Variants in SPEG observed in about 807,000 individuals in gnomAD.
The protein encoded by SPEG is striated muscle enriched protein kinase, also known as striated muscle preferentially expressed protein kinase.
In SPEG, 114 loss-of-function variants were observed where a neutral mutation model predicts 300.4. That is an observed-to-expected ratio of 0.38 (90% CI 0.33 to 0.44). The LOEUF (loss-of-function observed/expected upper bound fraction) is 0.44. Ranked by LOEUF, SPEG falls within the 20% of genes least tolerant of loss-of-function variation. The pLI, the probability that SPEG is intolerant of heterozygous loss-of-function variation, is 1.00. For missense variants in SPEG, 4,201 were observed against 4,586.2 expected (o/e 0.92, Z 2.43); for synonymous variants, 1,964 against 2,018.9 (o/e 0.97, Z 0.73).
intron 18 of SPEG, chr2:219,474,198 T>G: frequency 3.8e-6 from 1 of 265,712 alleles, no homozygotes; most frequent in Non-Finnish European, 7.2e-6. Flanking sequence ...GCCAACATGG[T>G]GAAACCCCAT....
chr2:219,437,880 G>A (rs1462569569), intron 1 of SPEG, among the ~76,000 whole-genome samples: 2 of 152,144 alleles, frequency 1.3e-5, no homozygotes, highest in African/African-American at 2.4e-5. Flanking sequence ...TTTCTTGGTT[G>A]GAAACAACAG....
chr2:219,477,002 T>C lies in SPEG; in HGVS notation c.4560+20T>C. 1 of 1,574,886 alleles carries C rather than the reference T, an allele frequency of 6.3e-7. No individual in the cohort carries two copies. The highest frequency in any genetic ancestry group is 1.2e-5 in the South Asian group (1 of 86,552). ...TACAAGGTCAGAGTGTGCTGCTGGC[T>C]GAGCCTGGGGGAGGGAGGAGGGGCT... On this transcript the variant is annotated intron_variant, in intron 19 of 40. Coordinates refer to ENST00000312358, the MANE Select transcript of SPEG (RefSeq NM_005876.5). The surrounding 1 kb of genome is among the most constrained non-coding windows in gnomAD (Gnocchi z 6.4).
intron 9 of SPEG, chr2:219,466,206 C>A: frequency 6.8e-7 from 1 of 1,469,654 alleles, no homozygotes; most frequent in East Asian, 2.5e-5. Context: ...GCCTCCCCTC[C>A]CCACCCCATG....
chr2:219,454,724 T>C (rs1690040819), intron 6 of SPEG, among the ~76,000 whole-genome samples: 1 of 152,220 alleles, frequency 6.6e-6, no homozygotes, highest in South Asian at 2.1e-4. Flanking sequence ...AGGGATGTTT[T>C]CAGCAACAAC....
In SPEG at chr2:219,459,252, T is replaced by A. The variant is rs1209786322; in HGVS notation, c.2441-2630T>A. 6.6e-6 allele frequency among the ~76,000 whole-genome samples: 1 copy of A among 152,202 alleles called. No homozygotes were observed. The highest frequency in any genetic ancestry group is 2.4e-5 in the African/African-American group (1 of 41,464). On this transcript the variant is annotated intron_variant, in intron 6 of 40. Coordinates refer to ENST00000312358, the MANE Select transcript of SPEG (RefSeq NM_005876.5). This position sits in a 1 kb window ranked among gnomAD's most constrained non-coding sequence, Gnocchi z 4.9. ...TAGGTTTAGGGGGGCACCTGCCCCC[T>A]CCTTCCTGGCTGGTGTAACTGTGTT...
At chr2:219,465,887 A>C in intron 9 of SPEG, 1 of 616,326 alleles carries the variant, frequency 1.6e-6, no homozygotes, top group Non-Finnish European at 2.9e-6. Context: ...GTGCGTGTGC[A>C]TGTGTGCGTA....
Position 219,490,608 on chromosome 2 carries a change from A to T in SPEG, c.9121A>T (p.Ser3041Cys), listed in dbSNP as rs199599500. 232 of 1,612,430 alleles carry T rather than the reference A, an allele frequency of 1.4e-4. No individual in the cohort carries two copies. Among genetic ancestry groups the T allele is most frequent in the Non-Finnish European group, 1.5e-5 (18 of 1,178,696 alleles). The stretch of plus-strand genomic sequence containing the variant: ...TCGGTACCTCGTGCTCATTGCTGAG[A>T]GCTGTGGCAACCGGGAACTCCTCTG... ...TPRYLVLIAESCGNRELLCGL... is the reference protein window; with the variant it reads ...TPRYLVLIAECCGNRELLCGL... The change falls in exon 37 of 41, where the codon AGC becomes TGC. Residue 3041 changes from serine to cysteine, a missense_variant. Physicochemically the swap from Ser to Cys is moderately radical, Grantham distance 112. Transcript: ENST00000312358.
Position 219,467,367 on chromosome 2 carries a change from G to A in SPEG, c.3075G>A (p.Lys1025=). The A allele has an allele frequency of 6.2e-7, 1 of 1,612,566 alleles. No individual in the cohort carries two copies. Among genetic ancestry groups the A allele is most frequent in the Non-Finnish European group, 8.5e-7 (1 of 1,180,008 alleles). The part of the protein sequence containing the change: ...CKMHFDGRKC[K]LLLTSVHEDD... ...TGCATTTCGATGGCCGCAAATGCAA[G>A]CTGCTACTTACATCTGTACATGAGG... Residue 1025 remains lysine, a synonymous_variant, in exon 10 of 41, where the codon AAG becomes AAA. Transcript: ENST00000312358.
Position 219,459,733 on chromosome 2 carries a change from C to G in SPEG, c.2441-2149C>G, listed in dbSNP as rs1232790460. 2.6e-5 allele frequency among the ~76,000 whole-genome samples: 4 copies of G among 152,182 alleles called. No homozygotes were observed. The highest frequency in any genetic ancestry group is 2.6e-4 in the Admixed American group (4 of 15,286). ...TCCAGGCTCCATAGAGGGGTAGGAC[C>G]GCCCACCTGCGGAGCCATGCCTGTG... On this transcript the variant is annotated intron_variant, in intron 6 of 40. Coordinates refer to ENST00000312358, the MANE Select transcript of SPEG (RefSeq NM_005876.5). This position sits in a 1 kb window ranked among gnomAD's most constrained non-coding sequence, Gnocchi z 4.9.
chr2:219,467,584 A>G (rs1177098497), intron 10 of SPEG, 150 bp downstream of exon 10: 1 of 871,746 alleles, frequency 1.1e-6, no homozygotes, highest in African/African-American at 1.7e-5. Context: ...CCTTGGCCTC[A>G]ATAAAATAAG....
intron 15 of SPEG, 129 bp from the exon 16 acceptor site, chr2:219,472,761 A>G (rs1435890823): frequency 2.7e-6 from 2 of 728,352 alleles, no homozygotes; most frequent in African/African-American, 3.6e-5. Context: ...GACAGGCAGG[A>G]AGCAACAGCA....
chr2:219,435,465 G>C (rs1024622809), intron 1 of SPEG, 100 bp downstream of exon 1: 4 of 1,267,698 alleles, frequency 3.2e-6, no homozygotes, highest in Non-Finnish European at 4.1e-6. Context: ...TACTGGTTCC[G>C]CCGCCTTCTT....
rs752455963 is a variant in SPEG at position 219,493,504 on chromosome 2, A to G, written c.*718A>G. ...GCCTTCTTCCCATTCATATTTATTT[A>G]TTTATTGACTTTTATGAAGTTTCCC... On this transcript the variant is annotated 3_prime_UTR_variant, in exon 41 of 41. Coordinates refer to ENST00000312358, the MANE Select transcript of SPEG (RefSeq NM_005876.5). 4 of 453,806 alleles carry G rather than the reference A, an allele frequency of 8.8e-6. No individual in the cohort carries two copies. The highest frequency in any genetic ancestry group is 1.8e-5 in the Non-Finnish European group (4 of 225,086). 28.1% of individuals were successfully genotyped at this position (453,806 alleles called of 1,614,324 possible).
Position 219,492,672 on chromosome 2 carries a change from G to T in SPEG, c.9690G>T (p.Thr3230=), listed in dbSNP as rs771236377. ...ACCTGATGAAGCTGCGCCGCCAGAC[G>T]CTCACCTTCACCACCAACCGGCTCA... ...DAYLMKLRRQ[T]LTFTTNRLKE... Residue 3230 remains threonine (T), a synonymous_variant, in exon 41 of 41, where the codon ACG becomes ACT. Transcript: ENST00000312358. The T allele has an allele frequency of 1.2e-5, 19 of 1,610,426 alleles. No homozygotes were observed. The highest frequency in any genetic ancestry group is 3.4e-6 in the Non-Finnish European group (4 of 1,179,968).
At chr2:219,455,000 A>T (rs867029422) in intron 6 of SPEG, among the ~76,000 whole-genome samples, 3 of 152,256 alleles carry the variant, frequency 2.0e-5, no homozygotes, top group Non-Finnish European at 2.9e-5. Flanking sequence ...GGGCTGAAAC[A>T]GGAGAATCAC....
At position 219,459,214 on chromosome 2, in the gene SPEG, T is replaced by C. The variant is rs1041858295; in HGVS notation, c.2441-2668T>C. Among the ~76,000 whole-genome samples, 25 of 152,004 alleles carry C rather than the reference T, an allele frequency of 1.6e-4. No homozygotes were observed. The highest frequency in any genetic ancestry group is 6.0e-4 in the African/African-American group (25 of 41,378). Reference sequence around the variant, plus strand: ...TGGTGGGTTGTTCGGGGCCATTGAGTGTATGTGCCTATTAGGTTTAGGGGG... The same window carrying C: ...TGGTGGGTTGTTCGGGGCCATTGAGCGTATGTGCCTATTAGGTTTAGGGGG... On this transcript the variant is annotated intron_variant, in intron 6 of 40. Transcript: ENST00000312358. The surrounding 1 kb of genome is among the most constrained non-coding windows in gnomAD (Gnocchi z 4.9).
At position 219,479,711 on chromosome 2, in the gene SPEG, G is replaced by A. The variant is rs559568419; in HGVS notation, c.5086-72G>A. On this transcript the variant is annotated intron_variant, in intron 23 of 40. Transcript: ENST00000312358. The surrounding 1 kb of genome is among the most constrained non-coding windows in gnomAD (Gnocchi z 5.5). ...GCTACTCCACAGGCACAGCCGGACC[G>A]CTTGCCGCCCTGGAGGTGTTCAGAC... 53 of 1,440,356 alleles carry A rather than the reference G, an allele frequency of 3.7e-5. No homozygotes were observed. The Admixed American group carries it at 5.4e-4, about 15-fold the overall frequency. 89.2% of individuals were successfully genotyped at this position (1,440,356 alleles called of 1,614,324 possible). A position where few individuals can be genotyped will look rare whatever the true frequency, so the allele number is the denominator to read the frequency against.
At chr2:219,485,322 A>C in intron 30 of SPEG, 24 bp from the exon 31 acceptor site, 1 of 1,596,128 alleles carries the variant, frequency 6.3e-7, no homozygotes, top group Non-Finnish European at 8.5e-7. Flanking sequence ...CTGAACAAAT[A>C]CTCACGGGCC....
At chr2:219,447,763 C>G (rs1264806679) in intron 3 of SPEG, among the ~76,000 whole-genome samples, 1 of 151,632 alleles carries the variant, frequency 6.6e-6, no homozygotes, top group African/African-American at 2.4e-5. Context: ...GCCATTAGCC[C>G]AATCTTGTGG....
Sources: gnomAD v4.1 joint callset for allele counts (sites outside exome capture counted in the v4.1 genomes callset) on GRCh38, gnomAD v4.1.1 for gene constraint, Gnocchi (gnomAD v3.1) non-coding constraint, MANE v1.5 for transcripts, NCBI Gene and HGNC (gene_info 2026-07-23, HGNC 2026-07-21) for gene names.